Variants in P3H1 observed in about 807,000 individuals in gnomAD.
The protein encoded by P3H1 is prolyl 3-hydroxylase 1, also known as growth suppressor 1.
A neutral mutation model predicts 84.0 loss-of-function variants in P3H1; 69 were observed. The ratio of observed to expected loss-of-function variants is 0.82; its 90% CI spans 0.68 to 1.00. P3H1 has a LOEUF of 1.00. Among genes scored for constraint, P3H1 ranks in the 50% least tolerant of loss-of-function variants. The pLI is 0.00. For synonymous variants in P3H1, 366 were observed against 388.8 expected, an observed-to-expected ratio of 0.94 and a Z score of 0.69; for missense variants, 878 against 962.8, an observed-to-expected ratio of 0.91 and a Z score of 1.17.
At chr1:42,752,509 G>T in intron 9 of P3H1, 28 bp downstream of exon 9, 1 of 1,613,912 alleles carries the variant, frequency 6.2e-7, no homozygotes, top group South Asian at 1.1e-5. Context: ...ACCCTTGGGG[G>T]AAGGTGCAGT....
rs549922561 is a variant in P3H1, at chr1:42,748,192, G to A, written c.1838+8C>T. 60 of 1,605,112 alleles carry A rather than the reference G, an allele frequency of 3.7e-5. No individual in the cohort carries two copies. Among genetic ancestry groups the A allele is most frequent in the South Asian group, 2.1e-4 (19 of 90,870 alleles). ...GACCTCCTCACCCTGCACCTGCCCCGCACTCACCTGTAGTCGCGGAAGGTG... is the reference window on the plus strand; with the variant it reads ...GACCTCCTCACCCTGCACCTGCCCCACACTCACCTGTAGTCGCGGAAGGTG... On this transcript the variant is annotated splice_region_variant and intron_variant, in intron 12 of 14. Coordinates refer to ENST00000296388, the MANE Select transcript of P3H1 (RefSeq NM_022356.4).
chr1:42,752,733 T>C (rs751890318), intron 8 of P3H1, 69 bp from the exon 9 acceptor site: 155 of 1,586,746 alleles, frequency 9.8e-5, no homozygotes, highest in Non-Finnish European at 1.3e-4. Flanking sequence ...CATTGGATAT[T>C]GCCTCCTCGT....
At chr1:42,749,314 G>T (rs886779617) in intron 11 of P3H1, among the ~76,000 whole-genome samples, 1 of 152,192 alleles carries the variant, frequency 6.6e-6, no homozygotes, top group Non-Finnish European at 1.5e-5. Context: ...AAAGCCCTCT[G>T]ATCTGTGCCA....
At position 42,746,558 on chromosome 1, in the gene P3H1, A is replaced by G; in HGVS notation, c.*139T>C. 7.2e-6 allele frequency: 5 copies of G among 697,136 alleles called. No individual in the cohort carries two copies. The highest frequency in any genetic ancestry group is 1.3e-5 in the Non-Finnish European group (5 of 395,516). The allele number at this position is 697,136 out of a possible 1,614,324, so 43.2% of individuals were successfully genotyped here. On this transcript the variant is annotated 3_prime_UTR_variant, in exon 15 of 15. Coordinates refer to ENST00000296388, the MANE Select transcript of P3H1 (RefSeq NM_022356.4). ...CTCCAAGAGCAGTAGCACCATGTAG[A>G]AGGCTGTGAGCAGGGTCCCCTCGGC...
rs1487930309 is a variant in P3H1, at chr1:42,766,775, G to A, written c.197C>T (p.Ala66Val). The change falls in exon 1 of 15, where the codon GCA becomes GTA. Residue 66 changes from alanine (A) to valine (V), a missense_variant. Ala to Val is a moderately conservative substitution (Grantham distance 64). Coordinates refer to ENST00000296388, the MANE Select transcript of P3H1 (RefSeq NM_022356.4). ...GCGCAGGCGAAGGGCGCGGAGGGCT[G>A]CCCGGGAGCGCAGCGCCCGTTCCAT... The part of the protein sequence containing the change: ...LSMERALRSR[A>V]ALRALRLRCR... 16 of 1,597,258 alleles carry A rather than the reference G, an allele frequency of 1.0e-5. No homozygotes were observed. Among genetic ancestry groups the A allele is most frequent in the South Asian group, 2.2e-5 (2 of 90,256 alleles).
At chr1:42,762,065 A>G in intron 2 of P3H1, 1 of 453,002 alleles carries the variant, frequency 2.2e-6, no homozygotes, top group Admixed American at 3.6e-5. Context: ...AATGTTATAC[A>G]ATGAACATTC....
Position 42,747,352 on chromosome 1 carries a change from G to A in P3H1, c.1975C>T (p.His659Tyr), listed in dbSNP as rs1480567053. The A allele has an allele frequency of 6.2e-7, 1 of 1,610,376 alleles. No homozygotes were observed. The highest frequency in any genetic ancestry group is 2.2e-5 in the East Asian group (1 of 44,806). ...CCCCTGGTGACAGCCTTCACTCCAT[G>A]TGGGTTTTCAGTGCCTGAAGAGAAT... is the stretch of plus-strand genomic sequence containing the variant. ...VGFSSGTENPHGVKAVTRGQR... is the reference protein window; with the variant it reads ...VGFSSGTENPYGVKAVTRGQR... The change falls in exon 14 of 15, where the codon CAT (histidine) becomes TAT (tyrosine). Residue 659 changes from histidine (H) to tyrosine (Y), a missense_variant. Physicochemically the swap from His to Tyr is moderately conservative, Grantham distance 83. Transcript: ENST00000296388.
Position 42,754,336 on chromosome 1 carries a change from C to T in P3H1, c.1345+533G>A, listed in dbSNP as rs951948001. Among the ~76,000 whole-genome samples the T allele has an allele frequency of 6.6e-6, 1 of 152,136 alleles. No individual in the cohort carries two copies. The highest frequency in any genetic ancestry group is 2.4e-5 in the African/African-American group (1 of 41,418). On this transcript the variant is annotated intron_variant, in intron 8 of 14. Coordinates refer to ENST00000296388, the MANE Select transcript of P3H1 (RefSeq NM_022356.4). The surrounding 1 kb of genome is among the most constrained non-coding windows in gnomAD (Gnocchi z 4.0). ...CACAATCAGTAGGCCTTCCCAGCAGCTTGCAGAAAACGGGCACAGGAGGAA... is the reference window on the plus strand; with the variant it reads ...CACAATCAGTAGGCCTTCCCAGCAGTTTGCAGAAAACGGGCACAGGAGGAA...
intron 10 of P3H1, 58 bp downstream of exon 10, chr1:42,752,216 A>G (rs1652137519): frequency 1.4e-6 from 2 of 1,414,256 alleles, no homozygotes; most frequent in South Asian, 2.3e-5. Flanking sequence ...TCAAAGCCTG[A>G]GCTTCCCCCT....
At chr1:42,763,014 A>G (rs2760072) in intron 1 of P3H1, among the ~76,000 whole-genome samples, 106,243 of 151,650 alleles carry the variant, frequency 0.7, 37,362 homozygotes, top group South Asian at 0.84. Context: ...GGGCCTGGGA[A>G]GCAGAGGTTG....
intron 3 of P3H1, 38 bp downstream of exon 3, chr1:42,759,163 G>A (rs1570473961): frequency 1.2e-6 from 2 of 1,607,816 alleles, no homozygotes; most frequent in East Asian, 2.2e-5. Context: ...AGAGTCCCAG[G>A]AGGCCTGGCT....
intron 1 of P3H1, among the ~76,000 whole-genome samples, chr1:42,763,927 G>A (rs1652856846): frequency 6.6e-6 from 1 of 150,634 alleles, no homozygotes; most frequent in Non-Finnish European, 1.5e-5. Flanking sequence ...GGCGGATCAT[G>A]AGGTCAGGAG....
intron 6 of P3H1, 33 bp from the exon 7 acceptor site, chr1:42,755,250 G>A (rs1177582201): frequency 2.9e-5 from 47 of 1,598,112 alleles, no homozygotes; most frequent in Non-Finnish European, 3.9e-5. Context: ...AAAAAGGTAA[G>A]ATGATCTACT....
At position 42,750,300 on chromosome 1, in the gene P3H1, G is replaced by A; in HGVS notation, c.1606C>T (p.His536Tyr). The A allele has an allele frequency of 6.2e-7, 1 of 1,614,038 alleles. No homozygotes were observed. Among genetic ancestry groups the A allele is most frequent in the Middle Eastern group, 1.6e-4 (1 of 6,062 alleles). The change falls in exon 11 of 15, where the codon CAC (histidine) becomes TAC (tyrosine). Residue 536 changes from histidine (H) to tyrosine (Y), a missense_variant. Transcript: ENST00000296388. ...TTCTCCGTCACGTTGTAGTACAGGT[G>A]GGCACTCTGCAGAGGAACTTTGCCT... ...QEGKVPLQSA[H>Y]LYYNVTEKVR...
rs7552138 is a variant in P3H1 at position 42,747,939 on chromosome 1, T to C, written c.1839-141A>G. On this transcript the variant is annotated intron_variant, in intron 12 of 14. Transcript: ENST00000296388. ...CCTTTAAGAACCTATACTGATGCCG[T>C]ACAAACTCCACCTTTCCACTCTCCA... 0.73 allele frequency: 586,760 copies of C among 808,310 alleles called. 214,342 individuals carry two copies. Among genetic ancestry groups the C allele is most frequent in the South Asian group, 0.84 (59,912 of 71,274 alleles). 50.1% of individuals were successfully genotyped at this position (808,310 alleles called of 1,614,324 possible).
At chr1:42,748,526 G>A (rs1046866116) in intron 11 of P3H1, 5 of 607,876 alleles carry the variant, frequency 8.2e-6, no homozygotes, top group Admixed American at 2.3e-5. Flanking sequence ...TGAGCAGGGT[G>A]TGGCAAGCAG....
rs773095371 is a variant in P3H1 at position 42,746,712 on chromosome 1, G to A, written c.2196C>T (p.Pro732=). The change falls in exon 15 of 15, where the codon CCC becomes CCT. Residue 732 remains proline (P), a synonymous_variant. Coordinates refer to ENST00000296388, the MANE Select transcript of P3H1 (RefSeq NM_022356.4). ...CTGGACGCTGTCATAGCTCATCCTT[G>A]GGCTTCGATTCACTGCCTGAGAGAG... ...QESLSGSESK[P]KDEL 3 of 1,551,678 alleles carry A rather than the reference G, an allele frequency of 1.9e-6. No individual in the cohort carries two copies. The highest frequency in any genetic ancestry group is 2.6e-6 in the Non-Finnish European group (3 of 1,146,976).
Position 42,755,246 on chromosome 1 carries a change from G to A in P3H1, c.1171-29C>T, listed in dbSNP as rs1045171955. 4 of 1,605,012 alleles carry A rather than the reference G, an allele frequency of 2.5e-6. No individual in the cohort carries two copies. The African/African-American group carries it at 5.4e-5, about 21-fold the overall frequency. On this transcript the variant is annotated intron_variant, in intron 6 of 14. Transcript: ENST00000296388. ...AGTAGGTCAGGAAGAAATGAAAAAG[G>A]TAAGATGATCTACTTAATCTTCCAG...
At chr1:42,763,339 G>T (rs901963310) in intron 1 of P3H1, among the ~76,000 whole-genome samples, 1 of 151,882 alleles carries the variant, frequency 6.6e-6, no homozygotes, top group African/African-American at 2.4e-5. Context: ...CTGACTCAAA[G>T]CTCAGGGCTC....
Sources: allele counts gnomAD v4.1 joint callset (sites outside exome capture counted in the v4.1 genomes callset), GRCh38; gene constraint gnomAD v4.1.1; non-coding constraint Gnocchi (gnomAD v3.1); transcripts MANE v1.5; gene names NCBI Gene and HGNC (gene_info 2026-07-23, HGNC 2026-07-21).